The following POLQ variants were observed in gnomAD, a reference collection of about 807,000 sequenced individuals.
The protein encoded by POLQ is epididymis secretory sperm binding protein.
In POLQ, 233 loss-of-function variants were observed where a neutral mutation model predicts 259.2. The ratio of observed to expected loss-of-function variants is 0.90; its 90% CI spans 0.81 to 1.00. The LOEUF (loss-of-function observed/expected upper bound fraction) is 1.00, where lower values mean the gene tolerates loss of function less well. Among genes scored for constraint, POLQ ranks in the 50% least tolerant of loss-of-function variants. The pLI is 0.00. For missense variants in POLQ, 2,871 were observed against 3,051.6 expected, an observed-to-expected ratio of 0.94 and a Z score of 1.39; for synonymous variants, 1,025 against 1,048.8, an observed-to-expected ratio of 0.98 and a Z score of 0.44.
intron 9 of POLQ, among the ~76,000 whole-genome samples, chr3:121,516,967 G>T (rs927111792): frequency 2.6e-5 from 4 of 152,168 alleles, no homozygotes; most frequent in African/African-American, 9.7e-5. Context: ...TTTGAGAGTT[G>T]TCTGATTTAA....
chr3:121,490,774 C>T (rs1490645725), intron 15 of POLQ, among the ~76,000 whole-genome samples: 1 of 152,186 alleles, frequency 6.6e-6, no homozygotes, highest in Non-Finnish European at 1.5e-5. Flanking sequence ...AAACATCCGG[C>T]CGGGCGCGGT....
At chr3:121,439,523 G>A (rs1486629364) in intron 27 of POLQ, among the ~76,000 whole-genome samples, 1 of 152,180 alleles carries the variant, frequency 6.6e-6, no homozygotes, top group Non-Finnish European at 1.5e-5. Flanking sequence ...ATGAGCCACT[G>A]TGCCTGGCCA....
chr3:121,500,910 ATGCAGTGAGATGACATATTCAAAC>A, intron 12 of POLQ, among the ~76,000 whole-genome samples: 1 of 152,328 alleles, frequency 6.6e-6, no homozygotes, highest in South Asian at 2.1e-4. Context: ...CATATTCTAA[ATGCAGTGAGATGACATATTCAAAC>A]TGCTCAAAGA....
At position 121,541,494 on chromosome 3, in the gene POLQ, T is replaced by C; in HGVS notation, c.344-15A>G. The C allele has an allele frequency of 6.3e-7, 1 of 1,576,826 alleles. No individual in the cohort carries two copies. Among genetic ancestry groups the C allele is most frequent in the Non-Finnish European group, 8.6e-7 (1 of 1,163,722 alleles). On this transcript the variant is annotated splice_polypyrimidine_tract_variant and intron_variant, in intron 2 of 29. Transcript: ENST00000264233. Reference sequence around the variant, plus strand: ...ACTTGTAGGAGCTAAAACATGATTATTCCACAAGATTATAAGAAAAAAGTA... The same window carrying C: ...ACTTGTAGGAGCTAAAACATGATTACTCCACAAGATTATAAGAAAAAAGTA...
intron 10 of POLQ, among the ~76,000 whole-genome samples, chr3:121,511,158 G>A (rs1469836511): frequency 1.3e-5 from 2 of 151,182 alleles, no homozygotes; most frequent in Admixed American, 6.6e-5. Flanking sequence ...ATCAGGAGGC[G>A]GAGTTTGCAG....
chr3:121,496,993 G>A (rs1007043919), intron 13 of POLQ, 61 bp from the exon 14 acceptor site: 1 of 1,566,282 alleles, frequency 6.4e-7, no homozygotes. Flanking sequence ...GCGATACAGT[G>A]TGTTGAAAAA....
At chr3:121,467,906 G>A (rs140834017) in intron 23 of POLQ, among the ~76,000 whole-genome samples, 2 of 152,186 alleles carry the variant, frequency 1.3e-5, no homozygotes, top group East Asian at 1.9e-4. Flanking sequence ...GGTGGCACAC[G>A]CCTGTGGTCC....
intron 26 of POLQ, 22 bp downstream of exon 26, chr3:121,449,293 T>C (rs768250579): frequency 6.2e-6 from 7 of 1,133,404 alleles, no homozygotes; most frequent in Non-Finnish European, 8.0e-6. Context: ...TTGAAAAGAA[T>C]ACTATCTAGA....
intron 25 of POLQ, among the ~76,000 whole-genome samples, chr3:121,452,835 G>A (rs1368169229): frequency 6.6e-6 from 1 of 152,186 alleles, no homozygotes; most frequent in East Asian, 1.9e-4. Flanking sequence ...AAAGACAGCA[G>A]TAACCTCTGC....
intron 25 of POLQ, among the ~76,000 whole-genome samples, chr3:121,458,393 A>C (rs2047761304): frequency 6.6e-6 from 1 of 151,606 alleles, no homozygotes; most frequent in African/African-American, 2.4e-5. Flanking sequence ...AATAATAATA[A>C]AATAAAAATA....
intron 9 of POLQ, among the ~76,000 whole-genome samples, 192 bp downstream of exon 9, chr3:121,519,675 CAAAA>C (rs959037678): frequency 3.3e-5 from 2 of 59,816 alleles, no homozygotes; most frequent in Non-Finnish European, 6.8e-5. Context: ...GACTCCGTCT[CAAAA>C]AAAAAAAAAA....
At chr3:121,500,187 T>C (rs554918301) in intron 12 of POLQ, among the ~76,000 whole-genome samples, 13 of 145,220 alleles carry the variant, frequency 9.0e-5, no homozygotes, top group African/African-American at 2.8e-4. Context: ...GAGGCTGAAG[T>C]GGGAAGACTG....
chr3:121,461,851 T>C (rs775510949), intron 24 of POLQ, among the ~76,000 whole-genome samples: 36 of 152,294 alleles, frequency 2.4e-4, no homozygotes, highest in Non-Finnish European at 4.4e-4. Flanking sequence ...AAGGATAGTG[T>C]AGATGACAGG....
chr3:121,495,952 G>A (rs2048118544), intron 14 of POLQ, among the ~76,000 whole-genome samples: 1 of 150,610 alleles, frequency 6.6e-6, no homozygotes, highest in Non-Finnish European at 1.5e-5. Flanking sequence ...TCTTCACGAT[G>A]AAACCTATTA....
intron 14 of POLQ, chr3:121,494,784 A>AC: frequency 1.3e-6 from 2 of 1,493,132 alleles, no homozygotes; most frequent in Non-Finnish European, 1.8e-6. Context: ...AGGACCAATT[A>AC]CAACGACAGA....
At chr3:121,544,928 T>C (rs761602611) in intron 1 of POLQ, 22 bp from the exon 2 acceptor site, 9 of 1,469,448 alleles carry the variant, frequency 6.1e-6, no homozygotes, top group Non-Finnish European at 6.5e-6. Flanking sequence ...AAGAAAAAAT[T>C]AAAATTTAAT....
At chr3:121,508,832 T>C (rs1373473777) in intron 12 of POLQ, among the ~76,000 whole-genome samples, 1 of 152,244 alleles carries the variant, frequency 6.6e-6, no homozygotes, top group Non-Finnish European at 1.5e-5. Context: ...TCAAAATGCA[T>C]GCATCTGCTC....
chr3:121,481,457 A>G, intron 19 of POLQ, 115 bp downstream of exon 19: 1 of 980,244 alleles, frequency 1.0e-6, no homozygotes, highest in Non-Finnish European at 1.5e-6. Context: ...AAAAAGCACT[A>G]GACAATCCAA....
intron 25 of POLQ, among the ~76,000 whole-genome samples, chr3:121,458,008 A>G (rs1437577116): frequency 7.2e-5 from 11 of 152,170 alleles, no homozygotes; most frequent in Middle Eastern, 3.2e-3. Context: ...ATGATAGACT[A>G]GATTAAGAAA....
Sources: allele counts gnomAD v4.1 joint callset (sites outside exome capture counted in the v4.1 genomes callset), GRCh38; gene constraint gnomAD v4.1.1; transcripts MANE v1.5; gene names NCBI Gene and HGNC (gene_info 2026-07-23, HGNC 2026-07-21).